PGBD5: variants seen among roughly 807,000 people sequenced by gnomAD.
The protein encoded by PGBD5 is piggyBac transposable element derived 5.
PGBD5 carries 14 observed loss-of-function variants against 47.9 expected under a neutral mutation model. The observed-to-expected ratio is 0.29, with a 90% CI of 0.19 to 0.46. The LOEUF is 0.46. PGBD5 is among the 20% of genes least tolerant of loss of function. PGBD5 has a pLI of 1.00. For synonymous variants in PGBD5, 316 were observed against 306.3 expected (o/e 1.03, Z -0.33); for missense variants, 635 against 716.0 (o/e 0.89, Z 1.29).
intron 1 of PGBD5, among the ~76,000 whole-genome samples, chr1:230,416,268 T>A (rs972662504): frequency 1.5e-4 from 23 of 152,154 alleles, no homozygotes; most frequent in African/African-American, 5.5e-4. Flanking sequence ...AGAAACTCAC[T>A]CCTTTGTGGA....
intron 5 of PGBD5, among the ~76,000 whole-genome samples, chr1:230,331,206 A>C (rs372952428): frequency 1.3e-5 from 2 of 152,092 alleles, no homozygotes; most frequent in African/African-American, 4.8e-5. Context: ...TGAGGCCAGG[A>C]GTTTGAGACC....
intron 1 of PGBD5, among the ~76,000 whole-genome samples, chr1:230,359,848 G>T (rs1667715769): frequency 6.6e-6 from 1 of 152,202 alleles, no homozygotes; most frequent in African/African-American, 2.4e-5. Flanking sequence ...CAGTAGCCTG[G>T]AGGGTAAAGT....
rs116069226 is a variant in PGBD5, at chr1:230,324,845, T to C, written c.1379+465A>G. ...ATGAGACCACATCTGGTGATCTAAA[T>C]AGGCATCCATATTTGAGAAAATTAA... On this transcript the variant is annotated intron_variant, in intron 6 of 6. Coordinates refer to ENST00000391860, the MANE Select transcript of PGBD5 (RefSeq NM_001258311.2). 3.9e-3 allele frequency among the ~76,000 whole-genome samples: 600 copies of C among 152,336 alleles called. 8 individuals are homozygous for C. The East Asian group carries it at 0.052, about 13-fold the overall frequency.
In PGBD5 at chr1:230,323,735, G is replaced by A; in HGVS notation, c.1380-115C>T. 1.0e-6 allele frequency: 1 copy of A among 987,010 alleles called. No homozygotes were observed. The highest frequency in any genetic ancestry group is 1.6e-5 in the South Asian group (1 of 62,500). 61.1% of individuals were successfully genotyped at this position (987,010 alleles called of 1,614,324 possible). On this transcript the variant is annotated intron_variant, in intron 6 of 6. Transcript: ENST00000391860. The surrounding 1 kb of genome is among the most constrained non-coding windows in gnomAD (Gnocchi z 4.1). ...AGACGCTGCAGGTTCGCCCCCGACAGAAGCAGGAGGGCTATGGGGGCAGGA... is the reference window on the plus strand; with the variant it reads ...AGACGCTGCAGGTTCGCCCCCGACAAAAGCAGGAGGGCTATGGGGGCAGGA...
At chr1:230,393,212 C>T (rs1396917454) in intron 1 of PGBD5, among the ~76,000 whole-genome samples, 31 of 124,760 alleles carry the variant, frequency 2.5e-4, no homozygotes, top group African/African-American at 8.8e-4. Context: ...GCAGGGAAGC[C>T]AAGGGAAAGG....
chr1:230,412,126 A>G (rs1039172187), intron 1 of PGBD5, among the ~76,000 whole-genome samples: 10 of 152,172 alleles, frequency 6.6e-5, no homozygotes, highest in African/African-American at 2.4e-4. Context: ...TCCAACAAAA[A>G]AGGGAAAAGG....
intron 1 of PGBD5, chr1:230,368,222 T>C (rs1571844016): frequency 7.8e-7 from 1 of 1,287,318 alleles, no homozygotes; most frequent in Non-Finnish European, 1.0e-6. Flanking sequence ...CACTGAAATA[T>C]ACATGGACTT....
At chr1:230,346,035 G>C (rs1006661432) in intron 3 of PGBD5, among the ~76,000 whole-genome samples, 1 of 152,016 alleles carries the variant, frequency 6.6e-6, no homozygotes, top group Non-Finnish European at 1.5e-5. Context: ...ATGCATTTTT[G>C]ACTTAAGATA....
chr1:230,340,950 A>C (rs755997269), intron 3 of PGBD5, among the ~76,000 whole-genome samples: 1 of 152,168 alleles, frequency 6.6e-6, no homozygotes, highest in Non-Finnish European at 1.5e-5. Flanking sequence ...GTGGACGCTC[A>C]ACTGGGATGT....
intron 5 of PGBD5, among the ~76,000 whole-genome samples, chr1:230,328,577 G>A (rs1667160852): frequency 6.6e-6 from 1 of 152,214 alleles, no homozygotes; most frequent in Admixed American, 6.5e-5. Flanking sequence ...GGTGGACGCT[G>A]TATTCAGAGC....
At chr1:230,349,910 A>C (rs1303945314) in intron 3 of PGBD5, among the ~76,000 whole-genome samples, 8 of 152,248 alleles carry the variant, frequency 5.3e-5, no homozygotes, top group African/African-American at 1.9e-4. Context: ...CCTGACCCCA[A>C]CTCAACCTGA....
intron 1 of PGBD5, among the ~76,000 whole-genome samples, chr1:230,400,469 G>T (rs1474707474): frequency 1.3e-5 from 2 of 152,016 alleles, no homozygotes; most frequent in Non-Finnish European, 2.9e-5. Flanking sequence ...CTTCATGGAG[G>T]CCAGAATCTA....
At chr1:230,387,145 G>C (rs1314646177) in intron 1 of PGBD5, among the ~76,000 whole-genome samples, 1 of 152,136 alleles carries the variant, frequency 6.6e-6, no homozygotes, top group African/African-American at 2.4e-5. Flanking sequence ...TAGCAGATAG[G>C]AAATGGTATG....
intron 1 of PGBD5, among the ~76,000 whole-genome samples, chr1:230,418,580 T>C (rs1455093800): frequency 6.6e-6 from 1 of 152,158 alleles, no homozygotes; most frequent in Non-Finnish European, 1.5e-5. Flanking sequence ...CAAACACAGC[T>C]CACTGCAGCC....
At chr1:230,329,668 C>T (rs926427931) in intron 5 of PGBD5, among the ~76,000 whole-genome samples, 4 of 152,230 alleles carry the variant, frequency 2.6e-5, no homozygotes, top group Non-Finnish European at 5.9e-5. Context: ...TGAGCCACCA[C>T]ACCTGGCCCT....
At chr1:230,340,543 G>A (rs1667393975) in intron 3 of PGBD5, among the ~76,000 whole-genome samples, 1 of 152,094 alleles carries the variant, frequency 6.6e-6, no homozygotes, top group South Asian at 2.1e-4. Context: ...TGACAGATAT[G>A]CTGGGCTTTT....
Position 230,343,738 on chromosome 1 carries a change from A to T in PGBD5, c.895-6450T>A, listed in dbSNP as rs550524920. ...CCTCACTTTTAGAGCCAATTCAATT[A>T]GTTATAGGTCAAGAGCAAAATATTT... On this transcript the variant is annotated intron_variant, in intron 3 of 6. Transcript: ENST00000391860. Among the ~76,000 whole-genome samples the T allele has an allele frequency of 1.5e-4, 23 of 152,370 alleles. No individual in the cohort carries two copies. In the East Asian group the frequency reaches 4.0e-3, roughly 27 times the overall value.
chr1:230,358,919 A>G (rs1667700680), intron 1 of PGBD5, among the ~76,000 whole-genome samples: 2 of 152,236 alleles, frequency 1.3e-5, no homozygotes, highest in South Asian at 4.1e-4. Context: ...TCTGTCATTA[A>G]GTGAAGCATG....
chr1:230,389,735 T>A (rs1031415020), intron 1 of PGBD5, among the ~76,000 whole-genome samples: 1 of 152,150 alleles, frequency 6.6e-6, no homozygotes, highest in Non-Finnish European at 1.5e-5. Flanking sequence ...GGTTGAAAAA[T>A]CCAATTAGTA....
Sources: allele counts gnomAD v4.1 joint callset (sites outside exome capture counted in the v4.1 genomes callset), GRCh38; gene constraint gnomAD v4.1.1; non-coding constraint Gnocchi (gnomAD v3.1); transcripts MANE v1.5; gene names NCBI Gene and HGNC (gene_info 2026-07-23, HGNC 2026-07-21).